The following PTPRD variants were observed in gnomAD, a reference collection of about 807,000 sequenced individuals.
PTPRD encodes protein tyrosine phosphatase receptor type D.
In PTPRD, 34 loss-of-function variants were observed where a neutral mutation model predicts 214.5. The ratio of observed to expected loss-of-function variants is 0.16; its 90% CI spans 0.12 to 0.21. The LOEUF (loss-of-function observed/expected upper bound fraction) is 0.21, where lower values mean the gene tolerates loss of function less well. Ranked by LOEUF, PTPRD falls within the 10% of genes least tolerant of loss-of-function variation. The pLI, the probability that PTPRD is intolerant of heterozygous loss-of-function variation, is 1.00. For synonymous variants in PTPRD, 1,128 were observed against 845.7 expected (o/e 1.33, Z -5.79); for missense variants, 2,545 against 2,398.7 (o/e 1.06, Z -1.27).
intron 2 of PTPRD, among the ~76,000 whole-genome samples, chr9:10,443,684 C>T (rs1486991228): frequency 6.6e-6 from 1 of 151,424 alleles, no homozygotes; most frequent in Non-Finnish European, 1.5e-5. Flanking sequence ...AATAGCTTTC[C>T]CATGAGGTCT....
At chr9:8,852,009 T>C (rs901183415) in intron 11 of PTPRD, among the ~76,000 whole-genome samples, 1 of 151,906 alleles carries the variant, frequency 6.6e-6, no homozygotes, top group Non-Finnish European at 1.5e-5. Flanking sequence ...TATGAAATCA[T>C]TACTAATACA....
chr9:9,617,419 A>G (rs768847287), intron 7 of PTPRD, among the ~76,000 whole-genome samples: 2 of 152,220 alleles, frequency 1.3e-5, no homozygotes, highest in Non-Finnish European at 2.9e-5. Flanking sequence ...TAAAGTATAT[A>G]AAGTGTCATG....
At chr9:10,286,908 G>C (rs1431457679) in intron 3 of PTPRD, among the ~76,000 whole-genome samples, 2 of 152,094 alleles carry the variant, frequency 1.3e-5, no homozygotes, top group Admixed American at 1.3e-4. Flanking sequence ...CTACATGTTT[G>C]TTGTTAATGT....
chr9:10,341,597 T>C (rs2096940560), intron 2 of PTPRD, among the ~76,000 whole-genome samples: 1 of 151,964 alleles, frequency 6.6e-6, no homozygotes, highest in Admixed American at 6.6e-5. Context: ...GAATGGTCAG[T>C]ATGCAAAAAT....
chr9:8,662,065 T>A (rs1306415352), intron 12 of PTPRD, among the ~76,000 whole-genome samples: 1 of 152,158 alleles, frequency 6.6e-6, no homozygotes, highest in African/African-American at 2.4e-5. Context: ...TCCATATGCA[T>A]ACCACCAGAG....
At chr9:10,184,069 AG>A (rs2099316175) in intron 3 of PTPRD, among the ~76,000 whole-genome samples, 1 of 152,218 alleles carries the variant, frequency 6.6e-6, no homozygotes, top group Non-Finnish European at 1.5e-5. Context: ...AAGAATCATA[AG>A]GTAGGATAGG....
At chr9:9,650,524 T>A (rs571540195) in intron 7 of PTPRD, among the ~76,000 whole-genome samples, 1 of 152,336 alleles carries the variant, frequency 6.6e-6, no homozygotes, top group Non-Finnish European at 1.5e-5. Flanking sequence ...AATTTTCTTT[T>A]TTTGTTGTAT....
intron 25 of PTPRD, among the ~76,000 whole-genome samples, chr9:8,498,821 T>A (rs185466840): frequency 6.6e-6 from 1 of 152,154 alleles, no homozygotes; most frequent in Admixed American, 6.5e-5. Flanking sequence ...GAAATCTTCA[T>A]CTTCCTTTCA....
intron 39 of PTPRD, among the ~76,000 whole-genome samples, chr9:8,344,475 G>T (rs895365129): frequency 2.6e-5 from 4 of 151,408 alleles, no homozygotes; most frequent in African/African-American, 9.7e-5. Context: ...AAAAAATAAG[G>T]GAAAAAAATC....
At chr9:8,852,062 A>T (rs868466225) in intron 11 of PTPRD, among the ~76,000 whole-genome samples, 330 of 6,872 alleles carry the variant, frequency 0.048, 3 homozygotes, top group African/African-American at 0.31. Flanking sequence ...TAACGGTTTA[A>T]AAAAAAAAAG....
intron 8 of PTPRD, among the ~76,000 whole-genome samples, chr9:9,520,021 T>G (rs1015217962): frequency 1.3e-5 from 2 of 151,996 alleles, no homozygotes; most frequent in African/African-American, 2.4e-5. Context: ...GTAGACTTTC[T>G]TTAGAATAAA....
chr9:9,990,418 A>C (rs904214118), intron 4 of PTPRD, among the ~76,000 whole-genome samples: 2 of 152,200 alleles, frequency 1.3e-5, no homozygotes, highest in African/African-American at 4.8e-5. Context: ...TTTCACCCCA[A>C]CAGCTGCAAG....
At position 9,258,051 on chromosome 9, in the gene PTPRD, T is replaced by C. The variant is rs576176896; in HGVS notation, c.-202-74688A>G. On this transcript the variant is annotated intron_variant, in intron 9 of 45. Transcript: ENST00000381196. Reference sequence around the variant, plus strand: ...AGTGGTAATGAAAGAATTTAAAGAGTAAGGCAGAATATGAAAAAAGCTAAT... The same window carrying C: ...AGTGGTAATGAAAGAATTTAAAGAGCAAGGCAGAATATGAAAAAAGCTAAT... Among the ~76,000 whole-genome samples the C allele has an allele frequency of 3.4e-4, 51 of 151,398 alleles. 1 individual carries two copies. The highest frequency in any genetic ancestry group is 6.8e-3 in the Middle Eastern group (2 of 294).
At chr9:9,292,971 T>G (rs778470173) in intron 9 of PTPRD, among the ~76,000 whole-genome samples, 9 of 151,492 alleles carry the variant, frequency 5.9e-5, no homozygotes, top group Admixed American at 2.0e-4. Context: ...ATTTTCATCT[T>G]GATTACCTGC....
chr9:9,614,669 A>G (rs994188471), intron 7 of PTPRD, among the ~76,000 whole-genome samples: 42 of 152,206 alleles, frequency 2.8e-4, no homozygotes, highest in African/African-American at 9.9e-4. Context: ...TTTGCAGTAT[A>G]TGCATAGCTA....
intron 7 of PTPRD, 102 bp downstream of exon 7, chr9:9,734,431 G>A (rs1218668378): frequency 6.8e-6 from 1 of 147,586 alleles, no homozygotes; most frequent in Non-Finnish European, 1.5e-5. Flanking sequence ...TTTTTTTTAA[G>A]GATTAAGCCT....
rs139649229 is a variant in PTPRD, at chr9:9,071,206, G to A, written c.-142-52471C>T. ...TTGGAGTGGCTTGCATGACCCTTTC[G>A]CCTCTACCCTGAACTTTTATATTCA... On this transcript the variant is annotated intron_variant, in intron 10 of 45. Coordinates refer to ENST00000381196, the MANE Select transcript of PTPRD (RefSeq NM_002839.4). Among the ~76,000 whole-genome samples the A allele has an allele frequency of 7.6e-4, 115 of 152,134 alleles. 1 individual carries two copies. In the East Asian group the frequency reaches 0.016, roughly 21 times the overall value.
chr9:10,224,688 G>C (rs190040667), intron 3 of PTPRD, among the ~76,000 whole-genome samples: 61 of 151,840 alleles, frequency 4.0e-4, no homozygotes, highest in African/African-American at 8.9e-4. Context: ...TTTGAAATGC[G>C]CTGGTCCACT....
At chr9:8,684,624 A>G (rs10815924) in intron 12 of PTPRD, among the ~76,000 whole-genome samples, 10,429 of 152,226 alleles carry the variant, frequency 0.069, 476 homozygotes, top group East Asian at 0.18. Context: ...ACTAATACAC[A>G]AATTATAGTA....
Sources: gnomAD v4.1 joint callset for allele counts (sites outside exome capture counted in the v4.1 genomes callset) on GRCh38, gnomAD v4.1.1 for gene constraint, MANE v1.5 for transcripts, NCBI Gene and HGNC (gene_info 2026-07-23, HGNC 2026-07-21) for gene names.